The following DOCK5 variants were observed in gnomAD, a reference collection of about 807,000 sequenced individuals.
The protein encoded by DOCK5 is dedicator of cytokinesis 5.
DOCK5 carries 142 observed loss-of-function variants against 251.8 expected under a neutral mutation model. The ratio of observed to expected loss-of-function variants is 0.56; its 90% CI spans 0.49 to 0.65. The LOEUF is 0.65. DOCK5 is among the 30% of genes least tolerant of loss of function. The pLI is 0.00. For synonymous variants in DOCK5, 842 were observed against 835.5 expected, an observed-to-expected ratio of 1.01 and a Z score of -0.13; for missense variants, 2,111 against 2,312.3, an observed-to-expected ratio of 0.91 and a Z score of 1.79.
At chr8:25,256,889 A>AT (rs1803434590) in intron 2 of DOCK5, among the ~76,000 whole-genome samples, 3 of 143,776 alleles carry the variant, frequency 2.1e-5, no homozygotes, top group Admixed American at 2.1e-4. Context: ...TTTCTTCTTG[A>AT]CTTTTTTTTT....
At chr8:25,240,884 G>A (rs572590823) in intron 1 of DOCK5, among the ~76,000 whole-genome samples, 20 of 152,228 alleles carry the variant, frequency 1.3e-4, no homozygotes, top group South Asian at 6.2e-4. Flanking sequence ...TGCTCCCTCC[G>A]GAGGCCCTCG....
chr8:25,220,574 CG>C (rs1563312787), intron 1 of DOCK5, among the ~76,000 whole-genome samples: 1 of 152,084 alleles, frequency 6.6e-6, no homozygotes, highest in African/African-American at 2.4e-5. Flanking sequence ...CCACAGGTAC[CG>C]GGTGTCCCTG....
intron 33 of DOCK5, 106 bp downstream of exon 33, chr8:25,368,831 G>A: frequency 2.5e-6 from 3 of 1,196,626 alleles, no homozygotes; most frequent in Non-Finnish European, 3.4e-6. Flanking sequence ...GCAAGTCCAT[G>A]TTGATCTGAA....
In DOCK5 at chr8:25,340,887, C is replaced by G; in HGVS notation, c.2338C>G (p.Gln780Glu). Residue 780 changes from glutamine (Q) to glutamate (E), a missense_variant, in exon 23 of 52, where the codon CAG becomes GAG. Transcript: ENST00000276440. ...SRVLYLRFYG[Q>E]SKDGDEFNNS... ...CTTTTTCCTATTAAGATTTTATGGG[C>G]AGAGCAAAGATGGAGATGAGTTTAA... is the stretch of plus-strand genomic sequence containing the variant. 6.2e-7 allele frequency: 1 copy of G among 1,613,228 alleles called. No homozygotes were observed. The highest frequency in any genetic ancestry group is 8.5e-7 in the Non-Finnish European group (1 of 1,179,540).
At chr8:25,330,672 G>A (rs573829745) in intron 18 of DOCK5, among the ~76,000 whole-genome samples, 9 of 152,200 alleles carry the variant, frequency 5.9e-5, no homozygotes, top group African/African-American at 2.2e-4. Flanking sequence ...ACTAGGTTTT[G>A]GAGGGTGTTG....
At chr8:25,309,063 C>T in intron 12 of DOCK5, 138 bp downstream of exon 12, 2 of 1,134,124 alleles carry the variant, frequency 1.8e-6, no homozygotes, top group Non-Finnish European at 2.4e-6. Flanking sequence ...CCTCAGCTTC[C>T]AACCACAGGC....
intron 30 of DOCK5, 80 bp downstream of exon 30, chr8:25,364,784 T>A: frequency 9.5e-7 from 1 of 1,049,584 alleles, no homozygotes; most frequent in Non-Finnish European, 1.4e-6. Flanking sequence ...AAATGTCTCC[T>A]CAGATTTCAC....
chr8:25,332,436 T>A (rs1805704810), intron 19 of DOCK5, 88 bp downstream of exon 19: 2 of 1,240,858 alleles, frequency 1.6e-6, no homozygotes, highest in Admixed American at 5.0e-5. Context: ...CATTTAAAAT[T>A]AAATCATTCA....
intron 47 of DOCK5, among the ~76,000 whole-genome samples, chr8:25,401,525 G>C (rs1266084867): frequency 6.6e-6 from 1 of 152,144 alleles, no homozygotes; most frequent in Non-Finnish European, 1.5e-5. Context: ...TTGTGGTCAG[G>C]AGTTCGAGAC....
At chr8:25,330,302 A>G (rs1429402957) in intron 18 of DOCK5, among the ~76,000 whole-genome samples, 1 of 152,234 alleles carries the variant, frequency 6.6e-6, no homozygotes, top group Non-Finnish European at 1.5e-5. Context: ...CCTTCATCAA[A>G]CATGTATTGA....
Position 25,358,859 on chromosome 8 carries a change from G to A in DOCK5, c.2851-104G>A, listed in dbSNP as rs74938827. ...GTTTCCAGTGTGGTGGGATACCTGC[G>A]TGGCTCAGTGGGTGGGAAAAGCCAA... On this transcript the variant is annotated intron_variant, in intron 27 of 51. Coordinates refer to ENST00000276440, the MANE Select transcript of DOCK5 (RefSeq NM_024940.8). 2.1e-3 allele frequency: 1,893 copies of A among 911,676 alleles called. 16 individuals carry two copies. The African/African-American group carries it at 0.025, about 12-fold the overall frequency. 56.5% of individuals were successfully genotyped at this position (911,676 alleles called of 1,614,324 possible). A position where few individuals can be genotyped will look rare whatever the true frequency, so the allele number is the denominator to read the frequency against.
chr8:25,186,308 A>G (rs1284139830), intron 1 of DOCK5, among the ~76,000 whole-genome samples: 1 of 147,986 alleles, frequency 6.8e-6, no homozygotes, highest in East Asian at 1.9e-4. Context: ...CCTTAGCTGC[A>G]TCTCAGAAAT....
Position 25,275,449 on chromosome 8 carries a change from C to T in DOCK5, c.224+8C>T. The T allele has an allele frequency of 1.2e-6, 2 of 1,605,948 alleles. No individual in the cohort carries two copies. The highest frequency in any genetic ancestry group is 1.1e-5 in the South Asian group (1 of 89,660). ...AACTGTGGAAGACCTGGGGTAAGTT[C>T]CAAGCTAGGAAGATTCCCCAAAAAT... On this transcript the variant is annotated splice_region_variant and intron_variant, in intron 4 of 51. Transcript: ENST00000276440.
At chr8:25,323,996 TG>T in intron 17 of DOCK5, 45 bp downstream of exon 17, 1 of 1,524,070 alleles carries the variant, frequency 6.6e-7, no homozygotes, top group Non-Finnish European at 8.9e-7. Flanking sequence ...CCCTTTCAAA[TG>T]AGCATTTAAG....
At chr8:25,275,099 T>G (rs1804010017) in intron 3 of DOCK5, among the ~76,000 whole-genome samples, 1 of 152,172 alleles carries the variant, frequency 6.6e-6, no homozygotes, top group Non-Finnish European at 1.5e-5. Flanking sequence ...ACAATTACAC[T>G]CCTTCCCATT....
chr8:25,378,568 G>A (rs867048369), intron 38 of DOCK5, among the ~76,000 whole-genome samples: 2 of 152,212 alleles, frequency 1.3e-5, no homozygotes, highest in Non-Finnish European at 2.9e-5. Flanking sequence ...GAAGCAGGAG[G>A]TGACCCGATG....
chr8:25,327,768 G>T (rs79507632), intron 18 of DOCK5, among the ~76,000 whole-genome samples: 13 of 152,024 alleles, frequency 8.6e-5, no homozygotes, highest in African/African-American at 2.9e-4. Flanking sequence ...TGGACAAAAG[G>T]TACAAAAGCT....
intron 1 of DOCK5, among the ~76,000 whole-genome samples, chr8:25,199,595 C>A (rs886248915): frequency 3.9e-5 from 6 of 152,140 alleles, no homozygotes; most frequent in Non-Finnish European, 8.8e-5. Flanking sequence ...GTTGGCCAAG[C>A]TGGTCTTGAA....
intron 50 of DOCK5, 96 bp downstream of exon 50, chr8:25,409,036 T>G (rs1801572670): frequency 5.8e-6 from 9 of 1,539,060 alleles, no homozygotes; most frequent in Non-Finnish European, 8.0e-6. Context: ...AGAATGTATG[T>G]AAGACCATTG....
Sources: allele counts gnomAD v4.1 joint callset (sites outside exome capture counted in the v4.1 genomes callset), GRCh38; gene constraint gnomAD v4.1.1; transcripts MANE v1.5; gene names NCBI Gene and HGNC (gene_info 2026-07-23, HGNC 2026-07-21).